MTMR7: variants seen among roughly 807,000 people sequenced by gnomAD.
MTMR7 encodes the protein myotubularin related protein 7, also known as phosphatidylinositol-3-phosphate phosphatase MTMR7.
A neutral mutation model predicts 81.2 loss-of-function variants in MTMR7; 76 were observed. That is an observed-to-expected ratio of 0.94 (90% CI 0.78 to 1.13). The LOEUF (loss-of-function observed/expected upper bound fraction) is 1.13, where lower values mean the gene tolerates loss of function less well. Among genes scored for constraint, MTMR7 ranks in the 50% most tolerant of loss-of-function variants. The pLI is 0.00. For missense variants in MTMR7, 1,044 were observed against 820.0 expected (o/e 1.27, Z -3.34); for synonymous variants, 372 against 289.8 (o/e 1.28, Z -2.88).
intron 13 of MTMR7, chr8:17,301,865 T>A (rs976428163): frequency 2.4e-5 from 10 of 412,246 alleles, no homozygotes; most frequent in Non-Finnish European, 3.8e-5. Flanking sequence ...CAGAAAAAAA[T>A]TAATTTTACT....
intron 1 of MTMR7, among the ~76,000 whole-genome samples, chr8:17,377,545 T>C (rs1353552844): frequency 6.6e-6 from 1 of 152,108 alleles, no homozygotes; most frequent in Non-Finnish European, 1.5e-5. Flanking sequence ...CCTTAATAAA[T>C]GTTTTAACTT....
chr8:17,341,208 T>C (rs1819397349), intron 6 of MTMR7, among the ~76,000 whole-genome samples, 155 bp downstream of exon 6: 1 of 152,164 alleles, frequency 6.6e-6, no homozygotes, highest in South Asian at 2.1e-4. Flanking sequence ...CTCCAGGAAG[T>C]AGCCAGCAGG....
intron 5 of MTMR7, among the ~76,000 whole-genome samples, chr8:17,341,950 A>C (rs1403304676): frequency 6.6e-6 from 1 of 152,102 alleles, no homozygotes; most frequent in African/African-American, 2.4e-5. Context: ...CCATCTAGAA[A>C]CATCACAAAT....
At position 17,371,189 on chromosome 8, in the gene MTMR7, CTG is replaced by C; in HGVS notation, c.156_157del (p.His52GlnfsTer7). 1 of 1,614,006 alleles carries C rather than the reference CTG, an allele frequency of 6.2e-7. No individual in the cohort carries two copies. The highest frequency in any genetic ancestry group is 8.5e-7 in the Non-Finnish European group (1 of 1,179,984). On this transcript the variant is annotated frameshift_variant, in exon 3 of 14. Transcript: ENST00000180173. LOFTEE classifies it high-confidence loss of function. The stretch of plus-strand genomic sequence containing the variant: ...CTGTTTCTCAATGGTGGAAATCTGA[CTG>C]TGAAGAATCTAGAACCAAATGTTAA...
chr8:17,363,745 CA>C (rs1305644259), intron 3 of MTMR7, among the ~76,000 whole-genome samples: 1 of 152,128 alleles, frequency 6.6e-6, no homozygotes, highest in Admixed American at 6.5e-5. Context: ...AGCCCAGATA[CA>C]GCCTGCAGAC....
At chr8:17,369,807 A>G (rs1275496020) in intron 3 of MTMR7, among the ~76,000 whole-genome samples, 21 of 151,822 alleles carry the variant, frequency 1.4e-4, no homozygotes, top group Admixed American at 1.4e-3. Context: ...TGCCACGCCC[A>G]GCTAATTTTT....
chr8:17,373,323 A>C (rs1820477385), intron 1 of MTMR7, 83 bp from the exon 2 acceptor site: 2 of 1,460,926 alleles, frequency 1.4e-6, no homozygotes, highest in Middle Eastern at 1.9e-4. Context: ...GTAAACTCAC[A>C]CTTACTCCAA....
chr8:17,328,840 T>C (rs1818835307), intron 7 of MTMR7, among the ~76,000 whole-genome samples: 1 of 152,240 alleles, frequency 6.6e-6, no homozygotes, highest in Non-Finnish European at 1.5e-5. Context: ...GCTTGCTATG[T>C]GACTGAAAGG....
At chr8:17,325,593 G>A (rs983615360) in intron 7 of MTMR7, among the ~76,000 whole-genome samples, 2 of 152,156 alleles carry the variant, frequency 1.3e-5, no homozygotes, top group Non-Finnish European at 2.9e-5. Flanking sequence ...CTGACGCGGG[G>A]CCTGCGTCCC....
chr8:17,361,757 G>A (rs1232972132), intron 3 of MTMR7, among the ~76,000 whole-genome samples: 1 of 152,020 alleles, frequency 6.6e-6, no homozygotes. Context: ...TAATAAAGTT[G>A]AAAAAACTCT....
chr8:17,407,182 A>T (rs1246333762), intron 1 of MTMR7, among the ~76,000 whole-genome samples: 2 of 152,170 alleles, frequency 1.3e-5, no homozygotes, highest in African/African-American at 4.8e-5. Context: ...ACCCATTATT[A>T]AAATGGGGAA....
rs1483037602 is a variant in MTMR7, at chr8:17,316,427, G to C, written c.866-3026C>G. Among the ~76,000 whole-genome samples the C allele has an allele frequency of 2.0e-5, 3 of 149,944 alleles. No homozygotes were observed. In the East Asian group the frequency reaches 5.9e-4, roughly 30 times the overall value. ...TTTATCCATCCCCCTACTGTTGACA[G>C]TTGTTCCCTCCTTTTCAATATTTAC... is the stretch of plus-strand genomic sequence containing the variant. On this transcript the variant is annotated intron_variant, in intron 7 of 13. Transcript: ENST00000180173.
chr8:17,360,344 T>C (rs1311437503), intron 4 of MTMR7, among the ~76,000 whole-genome samples: 4 of 152,182 alleles, frequency 2.6e-5, no homozygotes, highest in Admixed American at 1.3e-4. Context: ...TTTTGCTCTA[T>C]GTTTTCCAAT....
intron 3 of MTMR7, among the ~76,000 whole-genome samples, chr8:17,368,545 T>A (rs193118556): frequency 1.3e-5 from 2 of 152,334 alleles, no homozygotes; most frequent in Admixed American, 1.3e-4. Flanking sequence ...TTCAGATGGT[T>A]CTGAAAGACC....
intron 4 of MTMR7, among the ~76,000 whole-genome samples, chr8:17,360,880 G>A (rs1820038871): frequency 6.6e-6 from 1 of 152,156 alleles, no homozygotes; most frequent in Admixed American, 6.5e-5. Context: ...TGGGTTTCAA[G>A]TTCTGCAACC....
chr8:17,350,509 G>A (rs1032614439), intron 4 of MTMR7, among the ~76,000 whole-genome samples: 1 of 152,124 alleles, frequency 6.6e-6, no homozygotes, highest in Non-Finnish European at 1.5e-5. Flanking sequence ...CAGCTCCCAT[G>A]ATCCAATTAC....
intron 4 of MTMR7, among the ~76,000 whole-genome samples, chr8:17,354,953 G>C (rs905939886): frequency 4.6e-5 from 7 of 152,082 alleles, no homozygotes; most frequent in African/African-American, 1.7e-4. Flanking sequence ...TTTGTTCCTT[G>C]TTAGTTTTGT....
chr8:17,352,998 C>T (rs184921876), intron 4 of MTMR7, among the ~76,000 whole-genome samples: 24 of 152,276 alleles, frequency 1.6e-4, no homozygotes, highest in Admixed American at 3.9e-4. Flanking sequence ...CTTGCACAAC[C>T]ATATCCGCAG....
chr8:17,302,305 G>C (rs761447112), intron 12 of MTMR7, 25 bp from the exon 13 acceptor site: 10 of 1,608,260 alleles, frequency 6.2e-6, no homozygotes. Flanking sequence ...AAAGCGTCGT[G>C]ATACCACCTT....
Sources: allele counts gnomAD v4.1 joint callset (sites outside exome capture counted in the v4.1 genomes callset), GRCh38; gene constraint gnomAD v4.1.1; transcripts MANE v1.5; gene names NCBI Gene and HGNC (gene_info 2026-07-23, HGNC 2026-07-21).